SLCO5A1: variants seen among roughly 807,000 people sequenced by gnomAD.
SLCO5A1 encodes the protein solute carrier organic anion transporter family member 5A1.
A neutral mutation model predicts 65.1 loss-of-function variants in SLCO5A1; 39 were observed. The observed-to-expected ratio is 0.60, with a 90% CI of 0.46 to 0.78. The LOEUF is 0.78. Among genes scored for constraint, SLCO5A1 ranks in the 30% least tolerant of loss-of-function variants. The pLI is 0.00. For synonymous variants in SLCO5A1, 438 were observed against 415.7 expected, an observed-to-expected ratio of 1.05 and a Z score of -0.65; for missense variants, 1,029 against 1,069.4, an observed-to-expected ratio of 0.96 and a Z score of 0.53.
At chr8:69,682,806 T>C (rs1166829992) in intron 6 of SLCO5A1, among the ~76,000 whole-genome samples, 1 of 152,258 alleles carries the variant, frequency 6.6e-6, no homozygotes, top group African/African-American at 2.4e-5. Context: ...TCTATCCCAG[T>C]TATTAATATA....
intron 6 of SLCO5A1, among the ~76,000 whole-genome samples, chr8:69,702,985 C>T (rs968879426): frequency 4.0e-5 from 6 of 151,746 alleles, no homozygotes; most frequent in Admixed American, 1.3e-4. Flanking sequence ...TGGTGCATGC[C>T]TGTAGACTCT....
Position 69,802,446 on chromosome 8 carries a change from C to T in SLCO5A1, c.907+29321G>A, listed in dbSNP as rs1027653188. On this transcript the variant is annotated intron_variant, in intron 2 of 9. Transcript: ENST00000260126. ...GCTTGAACCCCGGAAGTCAAGGCTG[C>T]AGTGAGCTGGGATTGCACTTAAGCT... Among the ~76,000 whole-genome samples the T allele has an allele frequency of 2.7e-4, 40 of 150,732 alleles. 1 individual carries two copies. Among genetic ancestry groups the T allele is most frequent in the African/African-American group, 9.3e-4 (38 of 40,802 alleles).
intron 2 of SLCO5A1, among the ~76,000 whole-genome samples, chr8:69,800,601 G>A (rs950924412): frequency 1.3e-5 from 2 of 151,954 alleles, no homozygotes; most frequent in African/African-American, 4.8e-5. Context: ...TTGATTCATT[G>A]GGATTTCTCA....
At chr8:69,677,902 ACCCCCTAATC>A (rs1161535769) in intron 8 of SLCO5A1, among the ~76,000 whole-genome samples, 1 of 151,738 alleles carries the variant, frequency 6.6e-6, no homozygotes, top group African/African-American at 2.4e-5. Context: ...CCTGCACTGC[ACCCCCTAATC>A]CCCCCTAATC....
At chr8:69,680,246 A>G (rs750292271) in intron 7 of SLCO5A1, among the ~76,000 whole-genome samples, 18 of 152,250 alleles carry the variant, frequency 1.2e-4, no homozygotes, top group Non-Finnish European at 2.5e-4. Flanking sequence ...CCAAATCATG[A>G]GCATAGTTCC....
intron 2 of SLCO5A1, among the ~76,000 whole-genome samples, chr8:69,789,969 G>T (rs1047128258): frequency 6.6e-6 from 1 of 151,894 alleles, no homozygotes; most frequent in African/African-American, 2.4e-5. Flanking sequence ...GAGGCGGGTG[G>T]ATCACCTGAG....
intron 2 of SLCO5A1, among the ~76,000 whole-genome samples, chr8:69,828,049 C>A (rs187670702): frequency 1.3e-5 from 2 of 152,208 alleles, no homozygotes; most frequent in Admixed American, 1.3e-4. Flanking sequence ...GGGGTTGAGG[C>A]CCTTAGTAAG....
At chr8:69,730,301 C>T (rs550026105) in intron 5 of SLCO5A1, among the ~76,000 whole-genome samples, 7 of 152,120 alleles carry the variant, frequency 4.6e-5, no homozygotes, top group Non-Finnish European at 1.0e-4. Flanking sequence ...CTACAAATAC[C>T]AGAGTGATGA....
At chr8:69,728,214 T>C (rs923523026) in intron 5 of SLCO5A1, among the ~76,000 whole-genome samples, 2 of 152,118 alleles carry the variant, frequency 1.3e-5, no homozygotes, top group East Asian at 3.8e-4. Context: ...ATATATTATA[T>C]ATATTGCATA....
chr8:69,762,560 C>T (rs1342685175), intron 2 of SLCO5A1, among the ~76,000 whole-genome samples: 2 of 151,730 alleles, frequency 1.3e-5, no homozygotes, highest in African/African-American at 4.8e-5. Flanking sequence ...GAGACCCAGG[C>T]TAGTTAATGA....
intron 2 of SLCO5A1, among the ~76,000 whole-genome samples, chr8:69,820,363 A>G (rs948165440): frequency 6.6e-6 from 1 of 152,254 alleles, no homozygotes; most frequent in Non-Finnish European, 1.5e-5. Flanking sequence ...TTATAACTCA[A>G]GACAAAGAAA....
chr8:69,743,380 T>A lies in SLCO5A1; in HGVS notation c.1259-5176A>T, dbSNP rs373116605. ...GTTTGTTTGTTTGTTTTAGATAGGG[T>A]CTCCCTCTTTTGCCCAGACCAGTAT... On this transcript the variant is annotated intron_variant, in intron 4 of 9. Transcript: ENST00000260126. Among the ~76,000 whole-genome samples, 15 of 152,174 alleles carry A rather than the reference T, an allele frequency of 9.9e-5. 1 individual carries two copies. Among genetic ancestry groups the A allele is most frequent in the East Asian group, 5.8e-4 (3 of 5,182 alleles).
chr8:69,726,836 C>T (rs1456811009), intron 5 of SLCO5A1, among the ~76,000 whole-genome samples: 1 of 152,124 alleles, frequency 6.6e-6, no homozygotes, highest in Non-Finnish European at 1.5e-5. Context: ...TCTTCTTCCT[C>T]TTAAAATCCA....
At chr8:69,740,811 A>G (rs376149533) in intron 4 of SLCO5A1, among the ~76,000 whole-genome samples, 1 of 152,230 alleles carries the variant, frequency 6.6e-6, no homozygotes, top group African/African-American at 2.4e-5. Context: ...AGGATTCTCA[A>G]TAGCCCAATC....
intron 5 of SLCO5A1, among the ~76,000 whole-genome samples, chr8:69,732,445 C>A (rs982209453): frequency 1.3e-5 from 2 of 152,302 alleles, no homozygotes; most frequent in Non-Finnish European, 2.9e-5. Flanking sequence ...CGTTGTGGAC[C>A]ATGGCTGAGT....
intron 4 of SLCO5A1, among the ~76,000 whole-genome samples, chr8:69,751,551 T>C (rs968945774): frequency 1.3e-5 from 2 of 151,880 alleles, no homozygotes; most frequent in Non-Finnish European, 2.9e-5. Flanking sequence ...AATTTTCTTT[T>C]TTTTTTTTTT....
At chr8:69,791,509 T>C (rs1206336994) in intron 2 of SLCO5A1, among the ~76,000 whole-genome samples, 1 of 152,248 alleles carries the variant, frequency 6.6e-6, no homozygotes, top group Admixed American at 6.5e-5. Context: ...ATTAAATTCA[T>C]GACAAATATT....
chr8:69,827,734 C>A (rs545499927), intron 2 of SLCO5A1, among the ~76,000 whole-genome samples: 1 of 152,066 alleles, frequency 6.6e-6, no homozygotes, highest in South Asian at 2.1e-4. Context: ...CATTTTAATT[C>A]GTTATTTATT....
rs951058249 is a variant in SLCO5A1, at chr8:69,816,636, A to T, written c.907+15131T>A. Among the ~76,000 whole-genome samples the T allele has an allele frequency of 2.6e-5, 4 of 152,200 alleles. No homozygotes were observed. The East Asian group carries it at 7.7e-4, about 29-fold the overall frequency. ...CCAGAAACACACAGTAGAACAACTCAAATCCACAGGTATGTTTCTTCACCT... is the reference window on the plus strand; with the variant it reads ...CCAGAAACACACAGTAGAACAACTCTAATCCACAGGTATGTTTCTTCACCT... On this transcript the variant is annotated intron_variant, in intron 2 of 9. Coordinates refer to ENST00000260126, the MANE Select transcript of SLCO5A1 (RefSeq NM_030958.3).
Sources: gnomAD v4.1 joint callset for allele counts (sites outside exome capture counted in the v4.1 genomes callset) on GRCh38, gnomAD v4.1.1 for gene constraint, MANE v1.5 for transcripts, NCBI Gene and HGNC (gene_info 2026-07-23, HGNC 2026-07-21) for gene names.